ZC3H12C: variants seen among roughly 807,000 people sequenced by gnomAD.
The protein encoded by ZC3H12C is zinc finger CCCH-type containing 12C, also known as probable ribonuclease ZC3H12C.
In ZC3H12C, 20 loss-of-function variants were observed where a neutral mutation model predicts 76.3. That is an observed-to-expected ratio of 0.26 (90% CI 0.18 to 0.38). The LOEUF is 0.38. Ranked by LOEUF, ZC3H12C falls within the 10% of genes least tolerant of loss-of-function variation. ZC3H12C has a pLI of 1.00. For synonymous variants in ZC3H12C, 352 were observed against 399.6 expected, an observed-to-expected ratio of 0.88 and a Z score of 1.42; for missense variants, 874 against 1,086.5, an observed-to-expected ratio of 0.80 and a Z score of 2.75.
At chr11:110,101,545 CTA>C (rs1203074463) in intron 1 of ZC3H12C, among the ~76,000 whole-genome samples, 52 of 115,148 alleles carry the variant, frequency 4.5e-4, no homozygotes, top group African/African-American at 1.7e-3. Context: ...GGAATCAATG[CTA>C]TTTTTTTTTT....
intron 3 of ZC3H12C, among the ~76,000 whole-genome samples, chr11:110,157,373 G>T (rs977631703): frequency 2.6e-5 from 4 of 151,092 alleles, no homozygotes; most frequent in African/African-American, 9.7e-5. Flanking sequence ...GTGATTGTCT[G>T]ATGTGGAAAG....
At chr11:110,134,969 A>G (rs543534652) in intron 1 of ZC3H12C, among the ~76,000 whole-genome samples, 1 of 152,316 alleles carries the variant, frequency 6.6e-6, no homozygotes, top group South Asian at 2.1e-4. Flanking sequence ...TTTACCAGGT[A>G]TGCTTTCAAA....
chr11:110,107,020 C>G (rs902330915), intron 1 of ZC3H12C, among the ~76,000 whole-genome samples: 2 of 152,162 alleles, frequency 1.3e-5, no homozygotes, highest in African/African-American at 4.8e-5. Context: ...ACAGGTATCT[C>G]CTGCTTATAT....
At chr11:110,138,952 C>A (rs1862020389) in intron 2 of ZC3H12C, among the ~76,000 whole-genome samples, 1 of 152,166 alleles carries the variant, frequency 6.6e-6, no homozygotes, top group Non-Finnish European at 1.5e-5. Context: ...TGCTCAGTAT[C>A]CTGATGTGGC....
rs117383885 is a variant in ZC3H12C, at chr11:110,120,930, G to T, written c.22-15733G>T. Among the ~76,000 whole-genome samples, 94 of 152,280 alleles carry T rather than the reference G, an allele frequency of 6.2e-4. 3 individuals carry two copies. The East Asian group carries it at 9.8e-3, about 16-fold the overall frequency. ...TATTTAGCTAATCTTCAATAATAAT[G>T]GGTAGGATTTTAACAGGTGAAACTG... On this transcript the variant is annotated intron_variant, in intron 1 of 5. Transcript: ENST00000278590.
chr11:110,123,555 A>C (rs1399188637), intron 1 of ZC3H12C, among the ~76,000 whole-genome samples: 1 of 152,216 alleles, frequency 6.6e-6, no homozygotes, highest in African/African-American at 2.4e-5. Flanking sequence ...TCTTGATGAC[A>C]TAGGACGGAA....
At chr11:110,098,149 A>G (rs1043588096) in intron 1 of ZC3H12C, among the ~76,000 whole-genome samples, 5 of 152,142 alleles carry the variant, frequency 3.3e-5, no homozygotes, top group Non-Finnish European at 7.3e-5. Context: ...GTGGGACAAA[A>G]TGTAGAGGTG....
intron 2 of ZC3H12C, among the ~76,000 whole-genome samples, chr11:110,138,523 A>T (rs951592004): frequency 2.0e-5 from 3 of 152,052 alleles, no homozygotes; most frequent in Non-Finnish European, 2.9e-5. Flanking sequence ...CATGTAATCA[A>T]TTTTAAAAAG....
intron 2 of ZC3H12C, among the ~76,000 whole-genome samples, chr11:110,140,024 G>T (rs115697559): frequency 0.015 from 2,286 of 152,032 alleles, 57 homozygotes; most frequent in African/African-American, 0.051. Context: ...AATTAAGGCC[G>T]GGCACAGTGG....
Position 110,164,596 on chromosome 11 carries a change from A to T in ZC3H12C, c.1511A>T (p.Glu504Val), listed in dbSNP as rs3824940. The change falls in exon 6 of 6, where the codon GAA becomes GTA. Residue 504 changes from glutamate to valine, a missense_variant. Transcript: ENST00000278590. This position sits in a 1 kb window ranked among gnomAD's most constrained non-coding sequence, Gnocchi z 5.7. ...AGGACACAAGTCTACCAAGACCTAGAAGAAAAGCTTCCCACCAAAAACAAA... is the reference window on the plus strand; with the variant it reads ...AGGACACAAGTCTACCAAGACCTAGTAGAAAAGCTTCCCACCAAAAACAAA... ...SIRTQVYQDL[E>V]EKLPTKNKLE... is the part of the protein sequence containing the mutation. 1.1e-4 allele frequency: 176 copies of T among 1,614,058 alleles called. 1 individual carries two copies. In the East Asian group the frequency reaches 3.9e-3, roughly 36 times the overall value.
chr11:110,120,371 A>G (rs1335630674), intron 1 of ZC3H12C, among the ~76,000 whole-genome samples: 1 of 152,194 alleles, frequency 6.6e-6, no homozygotes, highest in Non-Finnish European at 1.5e-5. Context: ...TATTTTCTCT[A>G]TAAGGCACAT....
chr11:110,161,985 T>A (rs1272197188), intron 4 of ZC3H12C, among the ~76,000 whole-genome samples: 1 of 152,020 alleles, frequency 6.6e-6, no homozygotes, highest in Non-Finnish European at 1.5e-5. Context: ...CCAAAAAAAA[T>A]TAGCTGGGCA....
chr11:110,120,737 G>A (rs1861637464), intron 1 of ZC3H12C, among the ~76,000 whole-genome samples: 1 of 152,326 alleles, frequency 6.6e-6, no homozygotes, highest in East Asian at 1.9e-4. Context: ...AGGATCAGCT[G>A]TGTGTCATTT....
chr11:110,133,796 T>A (rs1165782905), intron 1 of ZC3H12C, among the ~76,000 whole-genome samples: 2 of 152,176 alleles, frequency 1.3e-5, no homozygotes, highest in African/African-American at 4.8e-5. Flanking sequence ...GACACTTTTT[T>A]AAAACATTAG....
At position 110,137,202 on chromosome 11, in the gene ZC3H12C, T is replaced by A. The variant is rs756984214; in HGVS notation, c.561T>A (p.Gly187=). The A allele has an allele frequency of 1.2e-6, 2 of 1,613,922 alleles. No homozygotes were observed. Among genetic ancestry groups the A allele is most frequent in the Non-Finnish European group, 1.7e-6 (2 of 1,179,864 alleles). The change falls in exon 2 of 6, where the codon GGT becomes GGA. Residue 187 remains glycine (G), a synonymous_variant. Coordinates refer to ENST00000278590, the MANE Select transcript of ZC3H12C (RefSeq NM_033390.2). ...TTCAGCTTGTACTAAACAAACTTGG[T>A]ACTGATGCTTTAATCAATGATATTT... The part of the protein sequence containing the change: ...EQVQLVLNKL[G]TDALINDILG...
At chr11:110,111,283 C>T (rs1285682309) in intron 1 of ZC3H12C, among the ~76,000 whole-genome samples, 1 of 152,124 alleles carries the variant, frequency 6.6e-6, no homozygotes, top group East Asian at 1.9e-4. Flanking sequence ...TGATGGTATA[C>T]ACCTAATGTG....
intron 1 of ZC3H12C, among the ~76,000 whole-genome samples, chr11:110,105,053 T>G (rs1345554446): frequency 6.6e-6 from 1 of 152,232 alleles, no homozygotes; most frequent in African/African-American, 2.4e-5. Flanking sequence ...TTCTTAGTCA[T>G]CTGTACTCAT....
chr11:110,137,099 A>C lies in ZC3H12C; in HGVS notation c.458A>C (p.Lys153Thr). 1.2e-6 allele frequency: 2 copies of C among 1,613,958 alleles called. No individual in the cohort carries two copies. The highest frequency in any genetic ancestry group is 1.7e-6 in the Non-Finnish European group (2 of 1,179,886). The change falls in exon 2 of 6, where the codon AAG becomes ACG. Residue 153 changes from lysine to threonine, a missense_variant. Lys to Thr is a moderately conservative substitution (Grantham distance 78). Transcript: ENST00000278590. ...TCCCAGACTACATCCAAGGAAGCAAAGAAACCACCTGATGTGGTGCGAGAA... is the reference window on the plus strand; with the variant it reads ...TCCCAGACTACATCCAAGGAAGCAACGAAACCACCTGATGTGGTGCGAGAA... ...EESQTTSKEA[K>T]KPPDVVREYQ...
intron 1 of ZC3H12C, among the ~76,000 whole-genome samples, chr11:110,114,560 A>G (rs1484845994): frequency 2.0e-5 from 3 of 152,230 alleles, no homozygotes; most frequent in African/African-American, 7.2e-5. Flanking sequence ...GAGTAAATTA[A>G]TTCATTGGAT....
Sources: allele counts gnomAD v4.1 joint callset (sites outside exome capture counted in the v4.1 genomes callset), GRCh38; gene constraint gnomAD v4.1.1; non-coding constraint Gnocchi (gnomAD v3.1); transcripts MANE v1.5; gene names NCBI Gene and HGNC (gene_info 2026-07-23, HGNC 2026-07-21).